MMP16: variants seen among roughly 807,000 people sequenced by gnomAD.
MMP16 encodes matrix metalloproteinase-16.
Under a neutral mutation model 67.8 loss-of-function variants are expected in MMP16, and 12 were observed. That is an observed-to-expected ratio of 0.18 (90% CI 0.11 to 0.29). The LOEUF (loss-of-function observed/expected upper bound fraction) is 0.29. Ranked by LOEUF, MMP16 falls within the 10% of genes least tolerant of loss-of-function variation. The probability of loss-of-function intolerance (pLI) is 1.00; values close to 1 mark genes in which losing one functional copy is unlikely to be tolerated. For missense variants in MMP16, 475 were observed against 765.7 expected (o/e 0.62, Z 4.48); for synonymous variants, 249 against 255.9 (o/e 0.97, Z 0.26).
chr8:88,301,354 C>G (rs1245852600), intron 1 of MMP16, among the ~76,000 whole-genome samples: 1 of 152,136 alleles, frequency 6.6e-6, no homozygotes, highest in Non-Finnish European at 1.5e-5. Context: ...AACAGAAGAA[C>G]CCCTGAAGTT....
chr8:88,286,573 G>T lies in MMP16; in HGVS notation c.132+40502C>A, dbSNP rs1374057667. 2.5e-5 allele frequency among the ~76,000 whole-genome samples: 3 copies of T among 119,304 alleles called. No individual in the cohort carries two copies. The East Asian group carries it at 1.0e-3, about 40-fold the overall frequency. 78.3% of individuals were successfully genotyped at this position (119,304 alleles called of 152,430 possible). ...ACCTGTTACATGAGTCAGAGACCTG[G>T]AACTCAATTTTTTTTTTTTTAAGAT... On this transcript the variant is annotated intron_variant, in intron 1 of 9. Transcript: ENST00000286614.
chr8:88,134,685 T>C (rs2118484396), intron 4 of MMP16, among the ~76,000 whole-genome samples: 1 of 151,782 alleles, frequency 6.6e-6, no homozygotes, highest in African/African-American at 2.4e-5. Context: ...CTAGAGACAA[T>C]GTTGCTGTTT....
chr8:88,276,340 T>TA (rs1810648938), intron 1 of MMP16, among the ~76,000 whole-genome samples: 2 of 152,140 alleles, frequency 1.3e-5, no homozygotes, highest in South Asian at 4.1e-4. Context: ...ATTCTGCCAA[T>TA]ATTCTGTGGT....
At chr8:88,249,795 T>C (rs911465737) in intron 1 of MMP16, among the ~76,000 whole-genome samples, 3 of 152,004 alleles carry the variant, frequency 2.0e-5, no homozygotes, top group African/African-American at 4.8e-5. Context: ...CCATGAGAAA[T>C]AGGAGCAACA....
intron 1 of MMP16, among the ~76,000 whole-genome samples, chr8:88,250,094 T>A (rs1220719536): frequency 6.6e-6 from 1 of 152,108 alleles, no homozygotes; most frequent in Non-Finnish European, 1.5e-5. Context: ...AAATATGTTC[T>A]AGCTGTAGAG....
chr8:88,098,281 G>A (rs1050706578), intron 6 of MMP16, among the ~76,000 whole-genome samples: 3 of 151,982 alleles, frequency 2.0e-5, no homozygotes, highest in African/African-American at 7.2e-5. Flanking sequence ...GCCAACTATG[G>A]GTGCTCATCT....
At chr8:88,082,726 C>T (rs1387093376) in intron 6 of MMP16, among the ~76,000 whole-genome samples, 4 of 151,696 alleles carry the variant, frequency 2.6e-5, no homozygotes, top group African/African-American at 9.7e-5. Context: ...GTGAAGCATA[C>T]TAAAAGTGTG....
chr8:88,318,902 T>C (rs571530350), intron 1 of MMP16, among the ~76,000 whole-genome samples: 18 of 152,292 alleles, frequency 1.2e-4, no homozygotes, highest in African/African-American at 4.1e-4. Context: ...CAGAATGTAA[T>C]GGCAGAATGT....
intron 1 of MMP16, among the ~76,000 whole-genome samples, chr8:88,224,532 T>G (rs1254402856): frequency 6.6e-6 from 1 of 151,986 alleles, no homozygotes; most frequent in Non-Finnish European, 1.5e-5. Flanking sequence ...TTTTGATGAC[T>G]TTATCTCAAA....
rs536351593 is a variant in MMP16 at position 88,169,818 on chromosome 8, C to A, written c.405-1845G>T. On this transcript the variant is annotated intron_variant, in intron 3 of 9. Transcript: ENST00000286614. The stretch of plus-strand genomic sequence containing the variant: ...TGAGATCAGAAAGTTAGAAGGAGAC[C>A]AAATAAGGTAGGTCCCCGAAGGCCA... Among the ~76,000 whole-genome samples, 8 of 152,084 alleles carry A rather than the reference C, an allele frequency of 5.3e-5. No homozygotes were observed. The East Asian group carries it at 1.2e-3, about 22-fold the overall frequency.
chr8:88,175,941 T>C (rs1028149269), intron 3 of MMP16, among the ~76,000 whole-genome samples: 6 of 152,248 alleles, frequency 3.9e-5, no homozygotes, highest in Non-Finnish European at 8.8e-5. Context: ...TGTTCCTCCT[T>C]TGCCTTCTGC....
intron 7 of MMP16, among the ~76,000 whole-genome samples, chr8:88,062,094 T>C (rs1808406451): frequency 6.6e-6 from 1 of 152,122 alleles, no homozygotes; most frequent in Admixed American, 6.6e-5. Context: ...ATAATAATTA[T>C]GAGTGATAAC....
At chr8:88,179,285 A>G (rs1808941592) in intron 3 of MMP16, among the ~76,000 whole-genome samples, 2 of 152,104 alleles carry the variant, frequency 1.3e-5, no homozygotes, top group African/African-American at 2.4e-5. Context: ...CATGCAAGCA[A>G]AAACAAAGGG....
Position 88,197,381 on chromosome 8 carries a change from C to A in MMP16, c.133-75G>T, listed in dbSNP as rs559741329. Reference sequence around the variant, plus strand: ...TAATTTTCTGGTAATTAATGTATATCTATAATAGAGTTTTGAACATTTTCT... The same window carrying A: ...TAATTTTCTGGTAATTAATGTATATATATAATAGAGTTTTGAACATTTTCT... On this transcript the variant is annotated intron_variant, in intron 1 of 9. Coordinates refer to ENST00000286614, the MANE Select transcript of MMP16 (RefSeq NM_005941.5). 34 of 1,285,886 alleles carry A rather than the reference C, an allele frequency of 2.6e-5. No individual in the cohort carries two copies. In the African/African-American group the frequency reaches 5.3e-4, roughly 20 times the overall value. 79.7% of individuals were successfully genotyped at this position (1,285,886 alleles called of 1,614,324 possible).
chr8:88,208,135 C>A (rs778802478), intron 1 of MMP16, among the ~76,000 whole-genome samples: 2 of 151,878 alleles, frequency 1.3e-5, no homozygotes, highest in African/African-American at 4.8e-5. Flanking sequence ...TGAAAAAGTG[C>A]CCTATTCTGG....
chr8:88,181,418 CATA>C (rs1808978904), intron 3 of MMP16, among the ~76,000 whole-genome samples: 1 of 151,700 alleles, frequency 6.6e-6, no homozygotes, highest in African/African-American at 2.4e-5. Context: ...ATATGAAAAA[CATA>C]ATACCATTTA....
chr8:88,227,059 C>T (rs1458517222), intron 1 of MMP16, among the ~76,000 whole-genome samples: 2 of 151,864 alleles, frequency 1.3e-5, no homozygotes, highest in Non-Finnish European at 2.9e-5. Flanking sequence ...AATCAGGCAA[C>T]TGTGTTTTAT....
At chr8:88,236,336 T>C (rs1809939644) in intron 1 of MMP16, among the ~76,000 whole-genome samples, 1 of 152,236 alleles carries the variant, frequency 6.6e-6, no homozygotes, top group Non-Finnish European at 1.5e-5. Flanking sequence ...TCAAATGCAA[T>C]GTGCTTAGCA....
chr8:88,127,002 A>G (rs973642759), intron 4 of MMP16, among the ~76,000 whole-genome samples: 1 of 151,920 alleles, frequency 6.6e-6, no homozygotes, highest in Non-Finnish European at 1.5e-5. Context: ...TGAGGTAGAT[A>G]CTAAATGACA....
Sources: allele counts gnomAD v4.1 joint callset (sites outside exome capture counted in the v4.1 genomes callset), GRCh38; gene constraint gnomAD v4.1.1; transcripts MANE v1.5; gene names NCBI Gene and HGNC (gene_info 2026-07-23, HGNC 2026-07-21).